The following RPL6 variants were observed in gnomAD, a reference collection of about 807,000 sequenced individuals.
The protein encoded by RPL6 is large ribosomal subunit protein eL6.
A neutral mutation model predicts 32.1 loss-of-function variants in RPL6; 1 was observed. The observed-to-expected ratio is 0.03, with a 90% confidence interval of 0.01 to 0.15. The LOEUF (loss-of-function observed/expected upper bound fraction) is 0.15, where lower values mean the gene tolerates loss of function less well. Ranked by LOEUF, RPL6 falls within the 10% of genes least tolerant of loss-of-function variation. The probability of loss-of-function intolerance (pLI) is 1.00; values close to 1 mark genes in which losing one functional copy is unlikely to be tolerated. For synonymous variants in RPL6, 126 were observed against 131.6 expected (o/e 0.96, Z 0.29); for missense variants, 275 against 354.6 (o/e 0.78, Z 1.80).
At chr12:112,407,565 T>A (rs942734976) in intron 3 of RPL6, 5 of 153,044 alleles carry the variant, frequency 3.3e-5, no homozygotes, top group African/African-American at 1.2e-4. Flanking sequence ...TGTATGGTGT[T>A]AACTTATTTG....
exon 1 of RPL6, chr12:112,418,772 C>CT: frequency 2.4e-6 from 1 of 420,202 alleles, no homozygotes; most frequent in Non-Finnish European, 4.3e-6. Context: ...GCTTTGGACA[C>CT]TGTGCGTGGC....
At chr12:112,406,366 T>C (rs750584474) in intron 4 of RPL6, 24 bp from the exon 5 acceptor site, 15 of 1,602,050 alleles carry the variant, frequency 9.4e-6, no homozygotes, top group African/African-American at 1.3e-5. Flanking sequence ...AGAAAATAAT[T>C]AGTTTTCTGC....
chr12:112,418,791 G>A (rs1391818973), exon 1 of RPL6: 1 of 448,680 alleles, frequency 2.2e-6, no homozygotes, highest in East Asian at 4.1e-5. Flanking sequence ...GCGCCTCCGC[G>A]GAGCCCCCGC....
At chr12:112,411,495 G>A (rs1418967502), upstream of RPL6, 2 of 152,034 alleles carry the variant, frequency 1.3e-5, no homozygotes, top group African/African-American at 2.4e-5. Flanking sequence ...TTTTGAGAAT[G>A]GGAATGTCAG....
chr12:112,405,600 TA>T (rs1334810939), intron 6 of RPL6: 3 of 615,520 alleles, frequency 4.9e-6, no homozygotes, highest in Non-Finnish European at 8.4e-6. Flanking sequence ...ACATCAAGGA[TA>T]AGTAAGGGCA....
intron 5 of RPL6, 36 bp from the exon 6 acceptor site, chr12:112,406,073 G>A (rs1235722040): frequency 1.3e-6 from 2 of 1,550,456 alleles, no homozygotes; most frequent in Non-Finnish European, 1.8e-6. Context: ...AGGAAAAGGG[G>A]GAAGAATCAT....
intron 1 of RPL6, among the ~76,000 whole-genome samples, chr12:112,416,968 T>C (rs2037419091): frequency 1.3e-5 from 2 of 152,218 alleles, no homozygotes; most frequent in Non-Finnish European, 2.9e-5. Context: ...TGTATATGAA[T>C]GAAATGGGCA....
At chr12:112,409,625 G>T, upstream of RPL6, 1 of 397,594 alleles carries the variant, frequency 2.5e-6, no homozygotes, top group Non-Finnish European at 4.4e-6. Context: ...CCCGGCTTCC[G>T]GTCTATAAGC....
upstream of RPL6, chr12:112,411,379 C>G (rs553862598): frequency 2.0e-5 from 3 of 152,286 alleles, no homozygotes; most frequent in Non-Finnish European, 4.4e-5. Flanking sequence ...TTTTTCAGAT[C>G]GAAACCACCT....
Position 112,406,314 on chromosome 12 carries a change from C to G in RPL6, c.509G>C (p.Ser170Thr), listed in dbSNP as rs1276714025. The G allele has an allele frequency of 6.2e-7, 1 of 1,613,716 alleles. No homozygotes were observed. The highest frequency in any genetic ancestry group is 8.5e-7 in the Non-Finnish European group (1 of 1,179,672). Residue 170 changes from serine to threonine, a missense_variant, in exon 5 of 7, where the codon AGT becomes ACT. Coordinates refer to ENST00000202773, the MANE Select transcript of RPL6 (RefSeq NM_000970.6). Reference protein sequence around the residue: ...KRVVFLKQLASGLLLVTGPLV... With the variant: ...KRVVFLKQLATGLLLVTGPLV... ...CTTACCAGTCACAAGTAATAAGCCA[C>G]TAGCCAGCTGCTTCAGGAAAACCAC...
At chr12:112,408,138 A>G (rs1305223851) in intron 3 of RPL6, 102 bp downstream of exon 3, 2 of 828,532 alleles carry the variant, frequency 2.4e-6, no homozygotes, top group Admixed American at 2.7e-5. Context: ...TCTATCAGAA[A>G]TTCTCCGGTA....
chr12:112,408,773 G>C (rs904622061), intron 1 of RPL6, 117 bp from the exon 2 acceptor site: 5 of 821,212 alleles, frequency 6.1e-6, no homozygotes, highest in Admixed American at 2.8e-5. Context: ...CCCTCCCCCG[G>C]TAAGATACAG....
Position 112,409,251 on chromosome 12 carries a change from T to A in RPL6, c.-1+336A>T, listed in dbSNP as rs560556822. 3,775 of 385,626 alleles carry A rather than the reference T, an allele frequency of 9.8e-3. 58 individuals are homozygous for A. The highest frequency in any genetic ancestry group is 8.2e-3 in the Non-Finnish European group (1,798 of 218,628). 23.9% of individuals were successfully genotyped at this position (385,626 alleles called of 1,614,324 possible). Reference sequence around the variant, plus strand: ...CAACGTGGCTGCGACAGGCTCAGTGTCATCCTCTGGAACCCAGGACCAGGA... The same window carrying A: ...CAACGTGGCTGCGACAGGCTCAGTGACATCCTCTGGAACCCAGGACCAGGA... On this transcript the variant is annotated intron_variant, in intron 1 of 6. Transcript: ENST00000202773.
chr12:112,409,283 T>C (rs2037284776), intron 1 of RPL6: 3 of 390,848 alleles, frequency 7.7e-6, no homozygotes, highest in Non-Finnish European at 9.0e-6. Flanking sequence ...AGGAACACAG[T>C]GCACGCGCCG....
intron 1 of RPL6, among the ~76,000 whole-genome samples, chr12:112,417,017 T>C (rs2037420006): frequency 6.6e-6 from 1 of 152,194 alleles, no homozygotes; most frequent in Non-Finnish European, 1.5e-5. Context: ...TATACAGATA[T>C]GGGTTAAACT....
At chr12:112,417,395 C>T (rs534139084) in intron 1 of RPL6, among the ~76,000 whole-genome samples, 1 of 151,606 alleles carries the variant, frequency 6.6e-6, no homozygotes, top group East Asian at 2.0e-4. Context: ...GCGCATCAAT[C>T]AAGTAAAAGC....
intron 1 of RPL6, 157 bp downstream of exon 1, chr12:112,409,429 CA>C: frequency 2.5e-6 from 1 of 398,650 alleles, no homozygotes; most frequent in East Asian, 3.6e-5. Context: ...TGCCCTGCCG[CA>C]AACCCAAACA....
chr12:112,405,598 G>C (rs2037137209), intron 6 of RPL6: 1 of 616,796 alleles, frequency 1.6e-6, no homozygotes, highest in African/African-American at 1.9e-5. Context: ...ACACATCAAG[G>C]ATAAGTAAGG....
At chr12:112,412,164 C>G (rs982316119), upstream of RPL6, among the ~76,000 whole-genome samples, 1 of 151,840 alleles carries the variant, frequency 6.6e-6, no homozygotes, top group Admixed American at 6.6e-5. Context: ...CTCAGCCTCC[C>G]GAGTAGCTGG....
Sources: gnomAD v4.1 joint callset for allele counts (sites outside exome capture counted in the v4.1 genomes callset) on GRCh38, gnomAD v4.1.1 for gene constraint, MANE v1.5 for transcripts, NCBI Gene and HGNC (gene_info 2026-07-23, HGNC 2026-07-21) for gene names.